The following ZP3 variants were observed in gnomAD, a reference collection of about 807,000 sequenced individuals.
ZP3 encodes the protein zona pellucida sperm-binding protein 3.
ZP3 carries 21 observed loss-of-function variants against 35.6 expected under a neutral mutation model. The ratio of observed to expected loss-of-function variants is 0.59; its 90% confidence interval spans 0.42 to 0.85. The LOEUF (loss-of-function observed/expected upper bound fraction) is 0.85. Among genes scored for constraint, ZP3 ranks in the 40% least tolerant of loss-of-function variants. ZP3 has a pLI of 0.00. For missense variants in ZP3, 437 were observed against 536.5 expected (o/e 0.81, Z 1.83); for synonymous variants, 207 against 214.5 (o/e 0.96, Z 0.31).
chr7:76,418,771 G>C (rs376841793), intron 1 of ZP3, among the ~76,000 whole-genome samples: 7 of 151,996 alleles, frequency 4.6e-5, no homozygotes, highest in African/African-American at 9.7e-5. Flanking sequence ...CAGGAGAATG[G>C]CGTGAACCCG....
At chr7:76,417,640 T>G (rs201500390) in intron 1 of ZP3, among the ~76,000 whole-genome samples, 1 of 151,022 alleles carries the variant, frequency 6.6e-6, no homozygotes, top group East Asian at 2.0e-4. Flanking sequence ...AGACAAGATC[T>G]CACTCTTGTC....
At position 76,434,136 on chromosome 7, in the gene ZP3, C is replaced by T; in HGVS notation, c.812C>T (p.Ala271Val). 2 of 1,312,504 alleles carry T rather than the reference C, an allele frequency of 1.5e-6. No individual in the cohort carries two copies. The highest frequency in any genetic ancestry group is 1.3e-5 in the South Asian group (1 of 74,338). 81.3% of individuals were successfully genotyped at this position (1,312,504 alleles called of 1,614,324 possible). Residue 271 changes from alanine to valine, a missense_variant, in exon 5 of 8, where the codon GCT becomes GTT. Around this residue, in one of 6 missense-constraint regions of ZP3, gnomAD observed 26 missense variants for 78.2 expected, o/e 0.33. Coordinates refer to ENST00000394857, the MANE Select transcript of ZP3 (RefSeq NM_001110354.2). ...LQFTVDVFHF[A>V]NDSRNMIYIT... ...TTCACAGTGGATGTCTTCCACTTTG[C>T]TAATGACTCCAGAAACATGGTAAGA...
At chr7:76,440,093 C>G (rs564720032) in intron 5 of ZP3, 157 bp from the exon 6 acceptor site, 13 of 1,398,838 alleles carry the variant, frequency 9.3e-6, no homozygotes, top group Admixed American at 4.8e-5. Context: ...GTGATCTACC[C>G]GCCTTGGGCT....
intron 1 of ZP3, among the ~76,000 whole-genome samples, chr7:76,409,856 T>C (rs1036178494): frequency 6.7e-6 from 1 of 148,230 alleles, no homozygotes; most frequent in Non-Finnish European, 1.5e-5. Flanking sequence ...AGCATCCTGA[T>C]CTTTGGAGGT....
intron 1 of ZP3, among the ~76,000 whole-genome samples, chr7:76,407,370 C>T (rs1017148987): frequency 3.3e-5 from 5 of 151,304 alleles, no homozygotes; most frequent in Admixed American, 6.6e-5. Flanking sequence ...CTCGCCTTGT[C>T]GCCCAGGCTG....
intron 1 of ZP3, among the ~76,000 whole-genome samples, chr7:76,426,845 CATA>C (rs1227664549): frequency 1.4e-4 from 20 of 138,402 alleles, no homozygotes; most frequent in Non-Finnish European, 2.9e-4. Flanking sequence ...CCCTGGGCAA[CATA>C]ATGAGACCCC....
At chr7:76,404,383 C>G (rs372904571) in intron 1 of ZP3, 1 of 1,613,934 alleles carries the variant, frequency 6.2e-7, no homozygotes, top group Non-Finnish European at 8.5e-7. Flanking sequence ...CCAACCTCCA[C>G]CCCCAGCGCT....
Position 76,410,381 on chromosome 7 carries a change from C to T in ZP3, c.-67+12584C>T, listed in dbSNP as rs113099429. On this transcript the variant is annotated intron_variant, in intron 1 of 8. Transcript: ENST00000336517. ...TTTTTTTTTTTTTGAGATGGAGTTTCGCTCTTGTTGCCCAGGCTGGAGTGC... is the reference window on the plus strand; with the variant it reads ...TTTTTTTTTTTTTGAGATGGAGTTTTGCTCTTGTTGCCCAGGCTGGAGTGC... Among the ~76,000 whole-genome samples the T allele has an allele frequency of 1.5e-3, 224 of 147,972 alleles. 2 individuals are homozygous for T. Among genetic ancestry groups the T allele is most frequent in the Admixed American group, 3.8e-3 (56 of 14,756 alleles).
upstream of ZP3, among the ~76,000 whole-genome samples, chr7:76,421,219 C>G (rs986713136): frequency 1.3e-5 from 2 of 152,114 alleles, no homozygotes; most frequent in Admixed American, 1.3e-4. Flanking sequence ...CAGGCGTGAG[C>G]CACTGCGCCC....
intron 1 of ZP3, chr7:76,400,741 C>G (rs1804795760): frequency 9.5e-7 from 1 of 1,051,748 alleles, no homozygotes. Flanking sequence ...CTCCTGGGCT[C>G]AAGTGATCCT....
At chr7:76,400,174 C>T (rs1804768951) in intron 1 of ZP3, 2 of 1,221,736 alleles carry the variant, frequency 1.6e-6, no homozygotes, top group Non-Finnish European at 2.1e-6. Flanking sequence ...AGCCTCTGGC[C>T]TGATCTGCAT....
In ZP3 at chr7:76,433,181, T is replaced by C. The variant is rs1805887055; in HGVS notation, c.535+151T>C. 1.5e-5 allele frequency: 11 copies of C among 715,178 alleles called. No individual in the cohort carries two copies. In the South Asian group the frequency reaches 1.7e-4, roughly 11 times the overall value. 44.3% of individuals were successfully genotyped at this position (715,178 alleles called of 1,614,324 possible). A position where few individuals can be genotyped will look rare whatever the true frequency, so the allele number is the denominator to read the frequency against. ...TGGTTTTGGTTGGTTTTTGAGACAG[T>C]CTTGATCTGACCTCCAGGCTGGAGT... On this transcript the variant is annotated intron_variant, in intron 3 of 7. Coordinates refer to ENST00000394857, the MANE Select transcript of ZP3 (RefSeq NM_001110354.2).
upstream of ZP3, among the ~76,000 whole-genome samples, chr7:76,420,991 A>G (rs1023978748): frequency 6.6e-6 from 1 of 150,618 alleles, no homozygotes; most frequent in Non-Finnish European, 1.5e-5. Flanking sequence ...GCTGGAGAGC[A>G]GTGGCACAAT....
chr7:76,437,914 G>A (rs1411900818), intron 5 of ZP3, among the ~76,000 whole-genome samples: 4 of 152,232 alleles, frequency 2.6e-5, no homozygotes, highest in African/African-American at 4.8e-5. Context: ...TTTCCTTTGT[G>A]GAATAGACAA....
intron 4 of ZP3, 153 bp from the exon 5 acceptor site, chr7:76,433,885 G>T: frequency 1.0e-6 from 1 of 1,002,482 alleles, no homozygotes. Context: ...TTTTAGTAGA[G>T]ACAAGGTTTC....
Position 76,425,179 on chromosome 7 carries a change from C to T in ZP3, c.215C>T (p.Thr72Ile). 1 of 1,614,046 alleles carries T rather than the reference C, an allele frequency of 6.2e-7. No individual in the cohort carries two copies. The highest frequency in any genetic ancestry group is 1.1e-5 in the South Asian group (1 of 91,078). ...TGKLIRAADL[T>I]LGPEACEPLV... ...AAGCTCATCAGGGCTGCTGACCTCA[C>T]CTTGGGCCCAGAGGCCTGTGAGCCT... The change falls in exon 1 of 8, where the codon ACC (threonine) becomes ATC (isoleucine). Residue 72 changes from threonine (T) to isoleucine (I), a missense_variant. Thr to Ile is a moderately conservative substitution (Grantham distance 89, BLOSUM62 -1). Transcript: ENST00000394857.
intron 1 of ZP3, among the ~76,000 whole-genome samples, chr7:76,405,405 C>T (rs575839449): frequency 1.2e-4 from 14 of 121,518 alleles, no homozygotes; most frequent in Admixed American, 6.5e-4. Flanking sequence ...TGGTTTCGAA[C>T]TCCTGACCTT....
chr7:76,425,084 G>T lies in ZP3; in HGVS notation c.120G>T (p.Gln40His), dbSNP rs1805609284. ...GGASHPETSV[Q>H]PVLVECQEAT... ...CCAGCCATCCTGAGACGTCCGTACAGCCCGTACTGGTGGAGTGTCAGGAGG... is the reference window on the plus strand; with the variant it reads ...CCAGCCATCCTGAGACGTCCGTACATCCCGTACTGGTGGAGTGTCAGGAGG... The change falls in exon 1 of 8, where the codon CAG becomes CAT. Residue 40 changes from glutamine to histidine, a missense_variant. Coordinates refer to ENST00000394857, the MANE Select transcript of ZP3 (RefSeq NM_001110354.2). 1 of 1,613,688 alleles carries T rather than the reference G, an allele frequency of 6.2e-7. No homozygotes were observed. The highest frequency in any genetic ancestry group is 1.1e-5 in the South Asian group (1 of 91,032).
intron 1 of ZP3, among the ~76,000 whole-genome samples, chr7:76,399,032 G>T (rs1297393218): frequency 6.6e-6 from 1 of 152,102 alleles, no homozygotes; most frequent in Non-Finnish European, 1.5e-5. Flanking sequence ...TATTTTTTGA[G>T]ATGGAGTCTT....
Sources: gnomAD v4.1 joint callset for allele counts (sites outside exome capture counted in the v4.1 genomes callset) on GRCh38, gnomAD v4.1.1 for gene constraint, gnomAD v4.1.1 regional missense constraint, MANE v1.5 for transcripts, NCBI Gene and HGNC (gene_info 2026-07-23, HGNC 2026-07-21) for gene names.